The following PLXND1 variants were observed in gnomAD, a reference collection of about 807,000 sequenced individuals.
PLXND1 encodes plexin-D1.
Under a neutral mutation model 197.7 loss-of-function variants are expected in PLXND1, and 54 were observed. The observed-to-expected ratio is 0.27, with a 90% CI of 0.22 to 0.34. PLXND1 has a LOEUF of 0.34. Ranked by LOEUF, PLXND1 falls within the 10% of genes least tolerant of loss-of-function variation. The probability of loss-of-function intolerance (pLI) is 1.00; values close to 1 mark genes in which losing one functional copy is unlikely to be tolerated. For missense variants in PLXND1, 2,127 were observed against 2,699.2 expected, an observed-to-expected ratio of 0.79 and a Z score of 4.70; for synonymous variants, 1,180 against 1,161.2, an observed-to-expected ratio of 1.02 and a Z score of -0.33.
chr3:129,572,208 G>T (rs1210965556), intron 15 of PLXND1, among the ~76,000 whole-genome samples: 2 of 152,056 alleles, frequency 1.3e-5, no homozygotes, highest in African/African-American at 4.8e-5. Flanking sequence ...TGCTCCTCTT[G>T]GTGTCCCAGC....
chr3:129,593,003 C>T (rs1054297200), intron 1 of PLXND1, among the ~76,000 whole-genome samples: 2 of 152,174 alleles, frequency 1.3e-5, no homozygotes, highest in African/African-American at 4.8e-5. Flanking sequence ...TACCCCCTGA[C>T]CCCAGCACCG....
rs749782498 is a variant in PLXND1, at chr3:129,567,564, C to T, written c.4014G>A (p.Lys1338=). The stretch of plus-strand genomic sequence containing the variant: ...GGATGCCCTGGCTGCGGTTCAGCTC[C>T]TTGGTGAGATCTGTCATGTCTGTCT... ...ELQTDMTDLT[K]ELNRSQGIPF... is the part of the protein sequence containing the mutation. Residue 1338 remains lysine (K), a synonymous_variant, in exon 22 of 36, where the codon AAG becomes AAA. Transcript: ENST00000324093. The T allele has an allele frequency of 4.3e-6, 7 of 1,612,416 alleles. No homozygotes were observed. The highest frequency in any genetic ancestry group is 5.9e-6 in the Non-Finnish European group (7 of 1,179,072).
chr3:129,599,751 A>C (rs35947652), intron 1 of PLXND1, among the ~76,000 whole-genome samples: 18 of 152,174 alleles, frequency 1.2e-4, no homozygotes, highest in African/African-American at 4.3e-4. Flanking sequence ...TGCTATCACA[A>C]TGGGCCCTGC....
chr3:129,562,628 A>C, intron 27 of PLXND1, 159 bp downstream of exon 27: 1 of 630,524 alleles, frequency 1.6e-6, no homozygotes, highest in Non-Finnish European at 2.7e-6. Context: ...CTTGTCTCCT[A>C]CAGAGTAAGA....
chr3:129,606,338 C>T lies in PLXND1; in HGVS notation c.302G>A (p.Ser101Asn). ...AEAAVGPVPD[S>N]PLCHAPQLPQ... ...CAGCTGCGGAGCGTGACACAGCGGG[C>T]TGTCGGGCACCGGGCCCACGGCCGC... Residue 101 changes from serine (S) to asparagine (N), a missense_variant, in exon 1 of 36, where the codon AGC becomes AAC. By Grantham distance (46) the Ser-to-Asn change is conservative. This residue lies in a region of PLXND1 where 245 missense variants were observed against 267.1 expected (regional missense o/e 0.92). Coordinates refer to ENST00000324093, the MANE Select transcript of PLXND1 (RefSeq NM_015103.3). The T allele has an allele frequency of 6.8e-7, 1 of 1,477,628 alleles. No individual in the cohort carries two copies. The highest frequency in any genetic ancestry group is 1.4e-5 in the South Asian group (1 of 73,020). 91.5% of individuals were successfully genotyped at this position (1,477,628 alleles called of 1,614,324 possible). A position where few individuals can be genotyped will look rare whatever the true frequency, so the allele number is the denominator to read the frequency against.
intron 25 of PLXND1, among the ~76,000 whole-genome samples, chr3:129,564,660 G>C (rs889106186): frequency 1.3e-5 from 2 of 152,254 alleles, no homozygotes; most frequent in African/African-American, 2.4e-5. Flanking sequence ...AGAGCTTATG[G>C]GGGTCCTTCT....
rs2085257986 is a variant in PLXND1, at chr3:129,572,906, A to C, written c.2873T>G (p.Leu958Arg). ...VCVTGPAPGP[L>R]SGVVTVNASK... The stretch of plus-strand genomic sequence containing the variant: ...GGCGTTCACGGTCACCACACCTGAG[A>C]GTGGTCCTGGGGCTGGCCCTGTGAC... The change falls in exon 14 of 36, where the codon CTC becomes CGC. Residue 958 changes from leucine (L) to arginine (R), a missense_variant. Leu to Arg is a moderately radical substitution (Grantham distance 102, BLOSUM62 -2). Coordinates refer to ENST00000324093, the MANE Select transcript of PLXND1 (RefSeq NM_015103.3). 1 of 1,613,580 alleles carries C rather than the reference A, an allele frequency of 6.2e-7. No homozygotes were observed. Among genetic ancestry groups the C allele is most frequent in the Non-Finnish European group, 8.5e-7 (1 of 1,179,814 alleles).
Position 129,606,187 on chromosome 3 carries a change from C to T in PLXND1, c.453G>A (p.Arg151=). ...CCACGGCCGAGATGTTGCCCCGGCG[C>T]CGCAGCTGGCAGAAGCCCTGGTAGA... is the stretch of plus-strand genomic sequence containing the variant. ...GSIYQGFCQL[R]RRGNISAVAV... is the part of the protein sequence containing the mutation. Residue 151 remains arginine, a synonymous_variant, in exon 1 of 36, where the codon CGG becomes CGA. Coordinates refer to ENST00000324093, the MANE Select transcript of PLXND1 (RefSeq NM_015103.3). 1 of 1,555,376 alleles carries T rather than the reference C, an allele frequency of 6.4e-7. No individual in the cohort carries two copies. The highest frequency in any genetic ancestry group is 1.9e-5 in the Admixed American group (1 of 53,828).
chr3:129,571,344 T>G (rs2285367), intron 17 of PLXND1, 41 bp from the exon 18 acceptor site: 6 of 1,593,246 alleles, frequency 3.8e-6, no homozygotes, highest in Non-Finnish European at 5.1e-6. Flanking sequence ...GGATGCAGGA[T>G]GGACAGATGG....
In PLXND1 at chr3:129,572,692, C is replaced by A. The variant is rs771111516; in HGVS notation, c.2994G>T (p.Arg998Ser). The A allele has an allele frequency of 6.2e-7, 1 of 1,604,464 alleles. No individual in the cohort carries two copies. Among genetic ancestry groups the A allele is most frequent in the South Asian group, 1.1e-5 (1 of 89,540 alleles). The change falls in exon 15 of 36, where the codon AGG (arginine) becomes AGT (serine). Residue 998 changes from arginine to serine, a missense_variant. Physicochemically the swap from Arg to Ser is moderately radical, Grantham distance 110 (BLOSUM62 -1). Coordinates refer to ENST00000324093, the MANE Select transcript of PLXND1 (RefSeq NM_015103.3). Reference protein sequence around the residue: ...PTMGPKAGGTRITIHGNDLHV... With the variant: ...PTMGPKAGGTSITIHGNDLHV... ...GGAGGTCATTCCCATGGATGGTGAT[C>A]CTGGTGCCCCCGGCCTTGGGGCCCA...
At chr3:129,595,483 C>CCAG (rs1249530152) in intron 1 of PLXND1, among the ~76,000 whole-genome samples, 3 of 152,220 alleles carry the variant, frequency 2.0e-5, no homozygotes, top group Non-Finnish European at 4.4e-5. Flanking sequence ...AGATGGCCAA[C>CCAG]CAGGCCTAGC....
intron 3 of PLXND1, 96 bp downstream of exon 3, chr3:129,586,492 G>C: frequency 2.8e-6 from 4 of 1,406,980 alleles, no homozygotes; most frequent in Non-Finnish European, 3.9e-6. Flanking sequence ...GGAGGAGGAG[G>C]GTGCTCCCAG....
intron 5 of PLXND1, 27 bp downstream of exon 5, chr3:129,585,925 C>A: frequency 6.2e-7 from 1 of 1,613,400 alleles, no homozygotes. Flanking sequence ...GTGTCCCGAG[C>A]TGGGTCTTGC....
rs77878075 is a variant in PLXND1, at chr3:129,557,270, C to A, written c.5446-47G>T. 7 of 1,608,430 alleles carry A rather than the reference C, an allele frequency of 4.4e-6. No homozygotes were observed. Among genetic ancestry groups the A allele is most frequent in the Middle Eastern group, 1.6e-4 (1 of 6,066 alleles). ...TGTTAGATGGCTGCTGGAGAAAGGA[C>A]GGATCTGGTCGTTTTCTGGATGAGC... is the stretch of plus-strand genomic sequence containing the variant. On this transcript the variant is annotated intron_variant, in intron 33 of 35. Coordinates refer to ENST00000324093, the MANE Select transcript of PLXND1 (RefSeq NM_015103.3). The surrounding 1 kb of genome is among the most constrained non-coding windows in gnomAD (Gnocchi z 4.8).
chr3:129,565,843 C>T (rs766843188), intron 24 of PLXND1, 44 bp downstream of exon 24: 20 of 1,603,380 alleles, frequency 1.2e-5, no homozygotes, highest in Non-Finnish European at 1.4e-5. Context: ...TGGCCTTGGA[C>T]AGGCTCCTCT....
rs1431168005 is a variant in PLXND1 at position 129,558,909 on chromosome 3, C to T, written c.5298-334G>A. 6.6e-6 allele frequency among the ~76,000 whole-genome samples: 1 copy of T among 152,150 alleles called. No homozygotes were observed. Among genetic ancestry groups the T allele is most frequent in the African/African-American group, 2.4e-5 (1 of 41,430 alleles). ...TGGCTCCTCCCTGAACCCTTGCAGGCAGCAGGAAGTCCGACATTAGCAGAG... is the reference window on the plus strand; with the variant it reads ...TGGCTCCTCCCTGAACCCTTGCAGGTAGCAGGAAGTCCGACATTAGCAGAG... On this transcript the variant is annotated intron_variant, in intron 32 of 35. Transcript: ENST00000324093. This position sits in a 1 kb window ranked among gnomAD's most constrained non-coding sequence, Gnocchi z 4.1.
chr3:129,580,288 C>T (rs1450450328), intron 8 of PLXND1, among the ~76,000 whole-genome samples: 2 of 152,152 alleles, frequency 1.3e-5, no homozygotes, highest in Non-Finnish European at 2.9e-5. Context: ...GCTCCCTGTG[C>T]CAGAATACAC....
chr3:129,560,618 C>T, intron 30 of PLXND1, 71 bp downstream of exon 30: 1 of 1,235,032 alleles, frequency 8.1e-7, no homozygotes, highest in South Asian at 1.2e-5. Flanking sequence ...CCAAGAGGCC[C>T]AGGGCCACAG....
rs747702371 is a variant in PLXND1 at position 129,584,391 on chromosome 3, T to TG, written c.2022dup (p.Asn675GlnfsTer8). 11 of 1,610,796 alleles carry TG rather than the reference T, an allele frequency of 6.8e-6. No individual in the cohort carries two copies. The highest frequency in any genetic ancestry group is 8.5e-7 in the Non-Finnish European group (1 of 1,178,542). On this transcript the variant is annotated frameshift_variant, in exon 6 of 36. Transcript: ENST00000324093. LOFTEE classifies it high-confidence loss of function. Reference sequence around the variant, plus strand: ...AACAGCACAGCGTGCTTACCCTGGTTGGGGGGGAAGGGCGGAAACTGGTCC... The same window carrying TG: ...AACAGCACAGCGTGCTTACCCTGGTTGGGGGGGGAAGGGCGGAAACTGGTCC...
Sources: gnomAD v4.1 joint callset for allele counts (sites outside exome capture counted in the v4.1 genomes callset) on GRCh38, gnomAD v4.1.1 for gene constraint, gnomAD v4.1.1 regional missense constraint, Gnocchi (gnomAD v3.1) non-coding constraint, MANE v1.5 for transcripts, NCBI Gene and HGNC (gene_info 2026-07-23, HGNC 2026-07-21) for gene names.